The following DISP1 variants were observed in gnomAD, a reference collection of about 807,000 sequenced individuals.
The protein encoded by DISP1 is dispatched RND transporter family member 1, also known as protein dispatched homolog 1.
DISP1 carries 30 observed loss-of-function variants against 37.3 expected under a neutral mutation model. The observed-to-expected ratio is 0.80, with a 90% CI of 0.60 to 1.09. The LOEUF (loss-of-function observed/expected upper bound fraction) is 1.09. Among genes scored for constraint, DISP1 ranks in the 50% least tolerant of loss-of-function variants. The pLI is 0.00. For synonymous variants in DISP1, 634 were observed against 690.2 expected (o/e 0.92, Z 1.28); for missense variants, 1,598 against 1,879.5 (o/e 0.85, Z 2.77).
intron 1 of DISP1, among the ~76,000 whole-genome samples, chr1:222,869,121 T>C (rs970843539): frequency 1.3e-4 from 20 of 152,176 alleles, no homozygotes; most frequent in African/African-American, 4.8e-4. Flanking sequence ...TTTTGTGAAG[T>C]TTTAAGGCTC....
At chr1:222,979,503 G>A (rs889170367) in intron 3 of DISP1, 5 of 386,664 alleles carry the variant, frequency 1.3e-5, no homozygotes, top group African/African-American at 6.2e-5. Context: ...ACATGGAATT[G>A]TACACTTAAT....
intron 2 of DISP1, among the ~76,000 whole-genome samples, chr1:222,937,574 T>A (rs1428961469): frequency 6.6e-6 from 1 of 152,184 alleles, no homozygotes; most frequent in Admixed American, 6.5e-5. Context: ...ATTTTAAAAT[T>A]TAATCGAAAG....
At chr1:222,829,161 T>C (rs1486294129) in intron 1 of DISP1, among the ~76,000 whole-genome samples, 1 of 152,208 alleles carries the variant, frequency 6.6e-6, no homozygotes, top group Non-Finnish European at 1.5e-5. Flanking sequence ...GAAAAAAATC[T>C]GAGAAAGATC....
At chr1:222,979,317 G>T (rs1349418841) in intron 3 of DISP1, among the ~76,000 whole-genome samples, 1 of 152,170 alleles carries the variant, frequency 6.6e-6, no homozygotes, top group Non-Finnish European at 1.5e-5. Context: ...GGAGGCTGAG[G>T]TGGGAGGATT....
intron 1 of DISP1, among the ~76,000 whole-genome samples, chr1:222,844,836 G>A (rs942845469): frequency 2.0e-5 from 3 of 152,128 alleles, no homozygotes; most frequent in African/African-American, 7.2e-5. Context: ...GGGAAGCAAA[G>A]TGAGATTTAG....
At chr1:222,878,165 T>A (rs921202880) in intron 1 of DISP1, among the ~76,000 whole-genome samples, 1 of 152,198 alleles carries the variant, frequency 6.6e-6, no homozygotes, top group African/African-American at 2.4e-5. Context: ...CTTTAAACAA[T>A]GAGGCATTGT....
intron 4 of DISP1, among the ~76,000 whole-genome samples, chr1:222,983,889 A>G (rs1381204059): frequency 6.6e-6 from 1 of 152,200 alleles, no homozygotes; most frequent in Non-Finnish European, 1.5e-5. Flanking sequence ...GCGTTTTCTC[A>G]TCAGATGTCC....
intron 7 of DISP1, 144 bp downstream of exon 7, chr1:222,992,254 T>C: frequency 1.4e-6 from 1 of 717,862 alleles, no homozygotes; most frequent in South Asian, 1.6e-5. Flanking sequence ...TTTTGGCTAA[T>C]TAACTTTTTC....
intron 3 of DISP1, among the ~76,000 whole-genome samples, chr1:222,949,431 G>A (rs914553551): frequency 4.0e-5 from 6 of 151,654 alleles, no homozygotes; most frequent in Non-Finnish European, 8.8e-5. Flanking sequence ...ATTATTGCAA[G>A]GATCACATTT....
chr1:222,896,091 C>T (rs75273783), intron 1 of DISP1, among the ~76,000 whole-genome samples: 11,897 of 151,948 alleles, frequency 0.078, 554 homozygotes, highest in East Asian at 0.24. Flanking sequence ...GGGAGGATAG[C>T]TTTACATCCA....
chr1:222,942,755 C>T (rs1674474762), intron 2 of DISP1, 52 bp from the exon 3 acceptor site: 4 of 1,598,858 alleles, frequency 2.5e-6, no homozygotes, highest in Non-Finnish European at 3.4e-6. Context: ...GTCTTTCCTA[C>T]ATATTTGCCT....
intron 1 of DISP1, among the ~76,000 whole-genome samples, chr1:222,847,764 G>A (rs1376824584): frequency 6.6e-6 from 1 of 152,090 alleles, no homozygotes; most frequent in African/African-American, 2.4e-5. Context: ...TAAAAGGGAA[G>A]GGAGAAGGAA....
intron 3 of DISP1, among the ~76,000 whole-genome samples, chr1:222,971,651 T>TA (rs1370095958): frequency 6.6e-6 from 1 of 152,112 alleles, no homozygotes; most frequent in African/African-American, 2.4e-5. Flanking sequence ...ATTGATGAAT[T>TA]ATGATTGTAT....
intron 5 of DISP1, among the ~76,000 whole-genome samples, 167 bp downstream of exon 5, chr1:222,990,915 C>T (rs1678655514): frequency 6.6e-6 from 1 of 152,178 alleles, no homozygotes; most frequent in Admixed American, 6.5e-5. Context: ...TTATCAGGTT[C>T]TTAAAAGGTC....
At chr1:222,886,741 A>G (rs180812390) in intron 1 of DISP1, among the ~76,000 whole-genome samples, 1 of 152,370 alleles carries the variant, frequency 6.6e-6, no homozygotes, top group African/African-American at 2.4e-5. Context: ...TTACTTACAT[A>G]GGGCCAATGA....
At position 223,005,335 on chromosome 1, in the gene DISP1, C is replaced by G; in HGVS notation, c.3938C>G (p.Ala1313Gly). The change falls in exon 9 of 9, where the codon GCA becomes GGA. Residue 1313 changes from alanine (A) to glycine (G), a missense_variant. By Grantham distance (60) the Ala-to-Gly change is moderately conservative. Coordinates refer to ENST00000675850, the MANE Select transcript of DISP1 (RefSeq NM_001377229.1). ...TTTGTCCAGATCCAAAACGGCGTGGCACCTCTGAAGGCCACACACCAAGCT... is the reference window on the plus strand; with the variant it reads ...TTTGTCCAGATCCAAAACGGCGTGGGACCTCTGAAGGCCACACACCAAGCT... The part of the protein sequence containing the change: ...SSFVQIQNGV[A>G]PLKATHQAVE... 6.2e-7 allele frequency: 1 copy of G among 1,613,596 alleles called. No homozygotes were observed. Among genetic ancestry groups the G allele is most frequent in the Non-Finnish European group, 8.5e-7 (1 of 1,180,030 alleles).
intron 1 of DISP1, among the ~76,000 whole-genome samples, chr1:222,870,617 G>A (rs1295028506): frequency 2.6e-5 from 4 of 152,026 alleles, no homozygotes; most frequent in South Asian, 2.1e-4. Flanking sequence ...CATATCCTTT[G>A]CCCACTTTTT....
In DISP1 at chr1:222,943,023, T is replaced by C; in HGVS notation, c.200T>C (p.Leu67Pro). The C allele has an allele frequency of 1.2e-6, 2 of 1,614,204 alleles. No individual in the cohort carries two copies. Among genetic ancestry groups the C allele is most frequent in the Non-Finnish European group, 1.7e-6 (2 of 1,180,038 alleles). The part of the protein sequence containing the change: ...QLNGTVKSSF[L>P]PLDNQRMPQM... ...AATGGCACGGTCAAATCATCCTTTC[T>C]GCCTTTAGACAACCAAAGAATGCCT... The change falls in exon 3 of 9, where the codon CTG becomes CCG. Residue 67 changes from leucine (L) to proline (P), a missense_variant. By Grantham distance (98) the Leu-to-Pro change is moderately conservative. Coordinates refer to ENST00000675850, the MANE Select transcript of DISP1 (RefSeq NM_001377229.1).
intron 3 of DISP1, among the ~76,000 whole-genome samples, chr1:222,970,621 C>G (rs1676864125): frequency 6.6e-6 from 1 of 152,104 alleles, no homozygotes; most frequent in Admixed American, 6.6e-5. Context: ...TAGAATTTCA[C>G]AGCAGGAAAG....
Sources: allele counts gnomAD v4.1 joint callset (sites outside exome capture counted in the v4.1 genomes callset), GRCh38; gene constraint gnomAD v4.1.1; transcripts MANE v1.5; gene names NCBI Gene and HGNC (gene_info 2026-07-23, HGNC 2026-07-21).